EPHB1: variants seen among roughly 807,000 people sequenced by gnomAD.
The protein encoded by EPHB1 is ephrin type-B receptor 1.
In EPHB1, 30 loss-of-function variants were observed where a neutral mutation model predicts 94.4. The ratio of observed to expected loss-of-function variants is 0.32; its 90% CI spans 0.24 to 0.43. The LOEUF (loss-of-function observed/expected upper bound fraction) is 0.43. EPHB1 is among the 20% of genes least tolerant of loss of function. EPHB1 has a pLI of 1.00. For synonymous variants in EPHB1, 522 were observed against 489.1 expected, an observed-to-expected ratio of 1.07 and a Z score of -0.89; for missense variants, 1,055 against 1,308.3, an observed-to-expected ratio of 0.81 and a Z score of 2.99.
intron 10 of EPHB1, among the ~76,000 whole-genome samples, chr3:135,188,218 C>T (rs1387939127): frequency 6.7e-6 from 1 of 149,464 alleles, no homozygotes; most frequent in Non-Finnish European, 1.5e-5. Context: ...AAATAAAGGC[C>T]AGGAGTGATG....
intron 3 of EPHB1, among the ~76,000 whole-genome samples, chr3:134,961,370 T>G (rs1404642533): frequency 1.3e-5 from 2 of 152,192 alleles, no homozygotes; most frequent in African/African-American, 4.8e-5. Flanking sequence ...AGCCTAATTT[T>G]AGACACTTCC....
At chr3:135,058,272 C>T (rs1303141203) in intron 3 of EPHB1, among the ~76,000 whole-genome samples, 1 of 152,188 alleles carries the variant, frequency 6.6e-6, no homozygotes, top group African/African-American at 2.4e-5. Context: ...TGAATCAGAG[C>T]ACTAATATTT....
intron 2 of EPHB1, among the ~76,000 whole-genome samples, chr3:134,942,646 G>A (rs1474504336): frequency 1.3e-5 from 2 of 152,180 alleles, no homozygotes; most frequent in African/African-American, 4.8e-5. Context: ...GTATTGGGGA[G>A]AGGTCAAGTT....
intron 1 of EPHB1, among the ~76,000 whole-genome samples, chr3:134,906,400 A>G (rs1184576759): frequency 2.0e-5 from 3 of 152,204 alleles, no homozygotes; most frequent in Non-Finnish European, 4.4e-5. Context: ...AGGTCACACA[A>G]ACTTTTGTGG....
At chr3:134,908,382 A>G (rs2038380943) in intron 1 of EPHB1, among the ~76,000 whole-genome samples, 1 of 152,202 alleles carries the variant, frequency 6.6e-6, no homozygotes, top group South Asian at 2.1e-4. Context: ...CCCAGGGCCC[A>G]GACCTCCAGC....
At chr3:134,810,428 C>T (rs2036148133) in intron 1 of EPHB1, among the ~76,000 whole-genome samples, 1 of 152,046 alleles carries the variant, frequency 6.6e-6, no homozygotes, top group Non-Finnish European at 1.5e-5. Flanking sequence ...CACCAGGGCT[C>T]ACTGGCATAG....
At chr3:135,168,590 C>G (rs1014985266) in intron 9 of EPHB1, among the ~76,000 whole-genome samples, 1 of 152,198 alleles carries the variant, frequency 6.6e-6, no homozygotes, top group Non-Finnish European at 1.5e-5. Context: ...TTGCTTGTAC[C>G]TGTGATTCTC....
intron 3 of EPHB1, among the ~76,000 whole-genome samples, chr3:135,031,742 A>G (rs541613710): frequency 3.9e-5 from 6 of 152,332 alleles, no homozygotes; most frequent in African/African-American, 1.2e-4. Flanking sequence ...GATAGTTCAG[A>G]TGATCTCCCA....
chr3:135,042,282 T>C (rs899189113), intron 3 of EPHB1, among the ~76,000 whole-genome samples: 3 of 152,182 alleles, frequency 2.0e-5, no homozygotes, highest in African/African-American at 7.2e-5. Context: ...AATCTGTTCA[T>C]GAGGGCAGAG....
chr3:135,020,032 G>A (rs576364162), intron 3 of EPHB1, among the ~76,000 whole-genome samples: 7 of 152,326 alleles, frequency 4.6e-5, no homozygotes, highest in African/African-American at 7.2e-5. Context: ...ACCTTCATCC[G>A]CATTGAGCAT....
At chr3:135,064,454 C>A (rs1202660421) in intron 3 of EPHB1, among the ~76,000 whole-genome samples, 1 of 151,922 alleles carries the variant, frequency 6.6e-6, no homozygotes, top group Non-Finnish European at 1.5e-5. Context: ...GGAATTTATC[C>A]ATTTCTTCTA....
At chr3:134,825,896 C>T (rs2036467982) in intron 1 of EPHB1, among the ~76,000 whole-genome samples, 1 of 152,002 alleles carries the variant, frequency 6.6e-6, no homozygotes. Context: ...CTTTCTTTTA[C>T]CATATCTGCA....
At chr3:134,855,775 C>T (rs2037102477) in intron 1 of EPHB1, among the ~76,000 whole-genome samples, 1 of 152,142 alleles carries the variant, frequency 6.6e-6, no homozygotes, top group South Asian at 2.1e-4. Context: ...AAAGCTAGGA[C>T]CTAGAGCAGC....
intron 3 of EPHB1, among the ~76,000 whole-genome samples, chr3:135,035,628 A>G (rs549175923): frequency 4.9e-4 from 75 of 152,296 alleles, no homozygotes; most frequent in Non-Finnish European, 8.5e-4. Context: ...TCATCAGCAC[A>G]GTCCCTCTCA....
chr3:134,860,172 G>GACACACACACACACACACACACAC (rs71139560), intron 1 of EPHB1, among the ~76,000 whole-genome samples: 3 of 139,146 alleles, frequency 2.2e-5, no homozygotes, highest in South Asian at 2.5e-4. Flanking sequence ...CACACACACA[G>GACACACACACACACACACACACAC]ACACACACAC....
chr3:135,222,322 G>C (rs1316342585), intron 12 of EPHB1, among the ~76,000 whole-genome samples: 2 of 152,188 alleles, frequency 1.3e-5, no homozygotes, highest in Non-Finnish European at 2.9e-5. Context: ...TGGGAATGGG[G>C]ATCCAGCGTG....
chr3:135,246,832 T>A (rs1479982651), intron 13 of EPHB1, among the ~76,000 whole-genome samples: 2 of 152,196 alleles, frequency 1.3e-5, no homozygotes, highest in East Asian at 3.8e-4. Context: ...TTCACCCTAT[T>A]GAATGAAAGA....
At chr3:135,175,022 C>T (rs1190405031) in intron 9 of EPHB1, among the ~76,000 whole-genome samples, 11 of 152,178 alleles carry the variant, frequency 7.2e-5, no homozygotes, top group Non-Finnish European at 1.6e-4. Context: ...AAGATGTCCA[C>T]GGTATTGATT....
chr3:135,172,681 C>T (rs1405144800), intron 9 of EPHB1, among the ~76,000 whole-genome samples: 1 of 152,252 alleles, frequency 6.6e-6, no homozygotes, highest in Non-Finnish European at 1.5e-5. Context: ...TCGGCTCCCT[C>T]TTCTGGAGGG....
Sources: gnomAD v4.1 joint callset for allele counts (sites outside exome capture counted in the v4.1 genomes callset) on GRCh38, gnomAD v4.1.1 for gene constraint, MANE v1.5 for transcripts, NCBI Gene and HGNC (gene_info 2026-07-23, HGNC 2026-07-21) for gene names.